FOXP1: variants seen among roughly 807,000 people sequenced by gnomAD.
FOXP1 encodes the protein forkhead box protein P1.
Under a neutral mutation model 98.2 loss-of-function variants are expected in FOXP1, and 15 were observed. The ratio of observed to expected loss-of-function variants is 0.15; its 90% CI spans 0.10 to 0.24. The LOEUF (loss-of-function observed/expected upper bound fraction) is 0.24. Ranked by LOEUF, FOXP1 falls within the 10% of genes least tolerant of loss-of-function variation. FOXP1 has a pLI of 1.00. For synonymous variants in FOXP1, 371 were observed against 314.5 expected, an observed-to-expected ratio of 1.18 and a Z score of -1.90; for missense variants, 633 against 848.5, an observed-to-expected ratio of 0.75 and a Z score of 3.15.
chr3:71,452,710 C>A (rs916648689), intron 3 of FOXP1, among the ~76,000 whole-genome samples: 2 of 152,190 alleles, frequency 1.3e-5, no homozygotes, highest in Non-Finnish European at 2.9e-5. Flanking sequence ...CCCAAGTCAA[C>A]TGCAGTGAAA....
At chr3:71,154,599 G>A (rs2060729798) in intron 6 of FOXP1, among the ~76,000 whole-genome samples, 1 of 152,198 alleles carries the variant, frequency 6.6e-6, no homozygotes, top group Non-Finnish European at 1.5e-5. Context: ...ATATTGGGCG[G>A]AGGCAAAGAA....
chr3:71,078,510 T>A (rs2054060194), intron 7 of FOXP1, among the ~76,000 whole-genome samples: 1 of 152,182 alleles, frequency 6.6e-6, no homozygotes, highest in South Asian at 2.1e-4. Context: ...CTTGAATGAC[T>A]TACCCTAATA....
chr3:71,028,084 CAA>C (rs112922729), intron 11 of FOXP1, among the ~76,000 whole-genome samples: 2 of 152,026 alleles, frequency 1.3e-5, no homozygotes, highest in African/African-American at 4.8e-5. Context: ...AGCACACACA[CAA>C]AAAATCTAGG....
At chr3:71,523,492 G>A (rs899943701) in intron 2 of FOXP1, among the ~76,000 whole-genome samples, 2 of 152,148 alleles carry the variant, frequency 1.3e-5, no homozygotes, top group Non-Finnish European at 1.5e-5. Flanking sequence ...AGATAAAGAA[G>A]GAGCAGCCAA....
chr3:71,022,784 T>C (rs1219507203), intron 11 of FOXP1, among the ~76,000 whole-genome samples: 1 of 152,140 alleles, frequency 6.6e-6, no homozygotes, highest in Non-Finnish European at 1.5e-5. Context: ...CTCCCAGTGG[T>C]AAAACCTCCA....
intron 5 of FOXP1, among the ~76,000 whole-genome samples, chr3:71,255,129 C>G (rs1042892123): frequency 6.6e-6 from 1 of 152,178 alleles, no homozygotes; most frequent in South Asian, 2.1e-4. Context: ...AATCTTCCCA[C>G]AATTAACCTC....
At chr3:71,091,174 T>C (rs894833436) in intron 7 of FOXP1, among the ~76,000 whole-genome samples, 2 of 143,962 alleles carry the variant, frequency 1.4e-5, no homozygotes, top group Non-Finnish European at 3.1e-5. Flanking sequence ...TGGGTAGACA[T>C]TTCTACTTTA....
At chr3:71,474,433 C>T (rs757573843) in intron 3 of FOXP1, among the ~76,000 whole-genome samples, 1 of 152,146 alleles carries the variant, frequency 6.6e-6, no homozygotes. Context: ...CAGGGGTCCC[C>T]AGTCCCCGGG....
chr3:71,140,673 G>C (rs2060023755), intron 6 of FOXP1, among the ~76,000 whole-genome samples: 1 of 152,178 alleles, frequency 6.6e-6, no homozygotes, highest in African/African-American at 2.4e-5. Flanking sequence ...GCTCAGAGTG[G>C]TTGACTATCT....
At chr3:71,465,738 C>T (rs758250682) in intron 3 of FOXP1, among the ~76,000 whole-genome samples, 12 of 152,152 alleles carry the variant, frequency 7.9e-5, no homozygotes, top group Non-Finnish European at 2.9e-5. Context: ...ACCCCCAGGC[C>T]ACAGACACGT....
In FOXP1 at chr3:71,060,249, A is replaced by G. The variant is rs181911697; in HGVS notation, c.283-6476T>C. ...TACTTAGGGTGCAATCACTCTTTAG[A>G]AAGAATTACAACTCAACTTTCTCAA... On this transcript the variant is annotated intron_variant, in intron 7 of 20. Coordinates refer to ENST00000649528, the MANE Select transcript of FOXP1 (RefSeq NM_001349338.3). Among the ~76,000 whole-genome samples, 415 of 152,290 alleles carry G rather than the reference A, an allele frequency of 2.7e-3. 3 individuals carry two copies. Among genetic ancestry groups the G allele is most frequent in the African/African-American group, 9.6e-3 (399 of 41,578 alleles).
At chr3:71,105,215 T>G (rs531018826) in intron 7 of FOXP1, among the ~76,000 whole-genome samples, 1 of 152,080 alleles carries the variant, frequency 6.6e-6, no homozygotes, top group Non-Finnish European at 1.5e-5. Flanking sequence ...TTTTCTTTTT[T>G]TTTCCCCCTC....
At chr3:71,041,913 T>C (rs2048399547) in intron 10 of FOXP1, among the ~76,000 whole-genome samples, 1 of 152,214 alleles carries the variant, frequency 6.6e-6, no homozygotes, top group African/African-American at 2.4e-5. Flanking sequence ...TATACTATTA[T>C]GACAACATGA....
intron 7 of FOXP1, among the ~76,000 whole-genome samples, chr3:71,057,348 T>G (rs1002307621): frequency 7.8e-6 from 1 of 129,026 alleles, no homozygotes; most frequent in African/African-American, 3.0e-5. Context: ...GCCTTCTACC[T>G]TAACCTCCTT....
intron 5 of FOXP1, among the ~76,000 whole-genome samples, chr3:71,260,084 C>G (rs921537666): frequency 6.6e-6 from 1 of 152,066 alleles, no homozygotes. Flanking sequence ...CCCGGGTTCA[C>G]GCTATTCTCC....
At chr3:71,168,127 G>A (rs2061477935) in intron 6 of FOXP1, among the ~76,000 whole-genome samples, 1 of 152,114 alleles carries the variant, frequency 6.6e-6, no homozygotes, top group South Asian at 2.1e-4. Context: ...TAGGAATGAC[G>A]TTAAAATTGT....
intron 5 of FOXP1, among the ~76,000 whole-genome samples, chr3:71,255,956 T>C (rs2068587100): frequency 6.6e-6 from 1 of 152,212 alleles, no homozygotes; most frequent in African/African-American, 2.4e-5. Context: ...TCCTGGTCTA[T>C]ATTAATCTCA....
intron 4 of FOXP1, among the ~76,000 whole-genome samples, chr3:71,328,289 T>C (rs1290700727): frequency 6.6e-6 from 1 of 151,888 alleles, no homozygotes; most frequent in South Asian, 2.1e-4. Context: ...AATAAAAATT[T>C]AAAAATTAAA....
At chr3:71,118,962 A>G (rs1216222863) in intron 6 of FOXP1, among the ~76,000 whole-genome samples, 2 of 152,212 alleles carry the variant, frequency 1.3e-5, no homozygotes, top group Non-Finnish European at 2.9e-5. Context: ...CTTTACTAGA[A>G]AAGTCTGTCA....
Sources: allele counts gnomAD v4.1 joint callset (sites outside exome capture counted in the v4.1 genomes callset), GRCh38; gene constraint gnomAD v4.1.1; transcripts MANE v1.5; gene names NCBI Gene and HGNC (gene_info 2026-07-23, HGNC 2026-07-21).